The following POFUT3 variants were observed in gnomAD, a reference collection of about 807,000 sequenced individuals.
POFUT3 encodes protein O-fucosyltransferase 3, also known as GDP-fucose protein O-fucosyltransferase 3.
the POFUT3 span, among the ~76,000 whole-genome samples, chr8:33,388,530 T>C: frequency 2.0e-5 from 3 of 151,672 alleles, no homozygotes; most frequent in African/African-American, 7.3e-5. Context: ...AGAGATGGGG[T>C]TTTGCCATGT....
the POFUT3 span, among the ~76,000 whole-genome samples, chr8:33,379,186 C>A: frequency 5.9e-5 from 9 of 152,072 alleles, no homozygotes; most frequent in Admixed American, 5.9e-4. Context: ...CCTCGCCATG[C>A]AGAACTGTGA....
At chr8:33,380,012 A>G in the POFUT3 span, among the ~76,000 whole-genome samples, 3 of 74,460 alleles carry the variant, frequency 4.0e-5, no homozygotes, top group Admixed American at 3.5e-4. Flanking sequence ...TACTATATAT[A>G]TAGTATATAT....
the POFUT3 span, among the ~76,000 whole-genome samples, chr8:33,388,145 T>G: frequency 8.1e-4 from 124 of 152,208 alleles, no homozygotes; most frequent in African/African-American, 2.7e-3. Context: ...TCTCTCTATA[T>G]TAATAAGCAC....
chr8:33,388,442 T>C, the POFUT3 span, among the ~76,000 whole-genome samples: 1 of 146,628 alleles, frequency 6.8e-6, no homozygotes, highest in Admixed American at 7.0e-5. Context: ...ATTCCAGCAA[T>C]TCTCCCACTT....
chr8:33,459,295 A>G, the POFUT3 span, among the ~76,000 whole-genome samples: 3 of 152,040 alleles, frequency 2.0e-5, no homozygotes, highest in Non-Finnish European at 2.9e-5. Context: ...AGCCGAAATC[A>G]CGCCATTGCA....
chr8:33,451,450 GTGTATATGTGTA>G, the POFUT3 span, among the ~76,000 whole-genome samples: 1 of 151,872 alleles, frequency 6.6e-6, no homozygotes, highest in South Asian at 2.1e-4. Flanking sequence ...ATATGTGCAT[GTGTATATGTGTA>G]TGTATATGTG....
chr8:33,468,029 C>G, the POFUT3 span, among the ~76,000 whole-genome samples: 2 of 152,098 alleles, frequency 1.3e-5, no homozygotes, highest in African/African-American at 4.8e-5. Context: ...CACCTAAGGT[C>G]AGGAGTTTGA....
the POFUT3 span, among the ~76,000 whole-genome samples, chr8:33,351,412 T>C: frequency 6.6e-6 from 1 of 152,144 alleles, no homozygotes; most frequent in Admixed American, 6.5e-5. Flanking sequence ...TCATGATAGA[T>C]TAATGCCCTT....
chr8:33,334,400 T>C, the POFUT3 span, among the ~76,000 whole-genome samples: 1 of 152,304 alleles, frequency 6.6e-6, no homozygotes, highest in East Asian at 1.9e-4. Flanking sequence ...GTATTTTTAG[T>C]AGAGACAGGG....
chr8:33,461,444 C>T, the POFUT3 span: 2 of 1,613,712 alleles, frequency 1.2e-6, no homozygotes, highest in South Asian at 2.2e-5. Context: ...TCCTCTGAAT[C>T]CGCACCATGC....
At chr8:33,389,840 A>G in the POFUT3 span, 1 of 1,416,434 alleles carries the variant, frequency 7.1e-7, no homozygotes, top group Non-Finnish European at 9.9e-7. Flanking sequence ...TTTCCAAAAG[A>G]TGTTGCTAAG....
chr8:33,376,146 G>A, the POFUT3 span, among the ~76,000 whole-genome samples: 1 of 152,016 alleles, frequency 6.6e-6, no homozygotes, highest in African/African-American at 2.4e-5. Context: ...GTGGAAGACT[G>A]CTGTTTTTGT....
chr8:33,317,724 C>A, the POFUT3 span, among the ~76,000 whole-genome samples: 1 of 152,040 alleles, frequency 6.6e-6, no homozygotes, highest in East Asian at 1.9e-4. Context: ...AGCAAAACTT[C>A]AGTGTGGATG....
the POFUT3 span, among the ~76,000 whole-genome samples, chr8:33,413,054 T>C: frequency 2.0e-5 from 3 of 152,204 alleles, no homozygotes; most frequent in Admixed American, 2.0e-4. Context: ...GAGACCGTGA[T>C]AGTTGTGTTC....
the POFUT3 span, among the ~76,000 whole-genome samples, chr8:33,441,378 CTTTT>C: frequency 1.8e-5 from 2 of 114,068 alleles, no homozygotes; most frequent in African/African-American, 7.2e-5. Context: ...TTTTTCCTGC[CTTTT>C]TTTTTTTTTT....
At chr8:33,452,999 G>A in the POFUT3 span, 1 of 529,056 alleles carries the variant, frequency 1.9e-6, no homozygotes, top group East Asian at 3.0e-5. Flanking sequence ...AGAGATACAG[G>A]TGTTAGAGAA....
the POFUT3 span, among the ~76,000 whole-genome samples, chr8:33,456,342 A>AT: frequency 3.3e-5 from 5 of 151,970 alleles, no homozygotes; most frequent in African/African-American, 1.2e-4. Context: ...CATACAACTT[A>AT]TTTTTTTATT....
At chr8:33,405,327 T>C in the POFUT3 span, among the ~76,000 whole-genome samples, 1 of 152,200 alleles carries the variant, frequency 6.6e-6, no homozygotes, top group South Asian at 2.1e-4. Flanking sequence ...AGCAAATTGA[T>C]CACAAAACCA....
chr8:33,340,134 T>A, the POFUT3 span, among the ~76,000 whole-genome samples: 1 of 152,108 alleles, frequency 6.6e-6, no homozygotes, highest in Non-Finnish European at 1.5e-5. Context: ...GGTTTCTATA[T>A]CTCACTCAAG....
Sources: allele counts gnomAD v4.1 joint callset (sites outside exome capture counted in the v4.1 genomes callset), GRCh38; gene constraint gnomAD v4.1.1; transcripts MANE v1.5; gene names NCBI Gene and HGNC (gene_info 2026-07-23, HGNC 2026-07-21).